Variants in WDR12 observed in about 807,000 individuals in gnomAD.
WDR12 encodes WD repeat domain 12.
A neutral mutation model predicts 64.3 loss-of-function variants in WDR12; 42 were observed. The observed-to-expected ratio is 0.65, with a 90% CI of 0.51 to 0.84. The LOEUF is 0.84. Among genes scored for constraint, WDR12 ranks in the 40% least tolerant of loss-of-function variants. WDR12 has a pLI of 0.00. For synonymous variants in WDR12, 158 were observed against 173.3 expected (o/e 0.91, Z 0.70); for missense variants, 469 against 494.6 (o/e 0.95, Z 0.49).
At chr2:202,890,695 CG>C (rs981848248) in intron 8 of WDR12, among the ~76,000 whole-genome samples, 3 of 150,964 alleles carry the variant, frequency 2.0e-5, no homozygotes, top group Non-Finnish European at 1.5e-5. Flanking sequence ...GGCGTGAACC[CG>C]GGGGGCGGAG....
At chr2:202,903,503 GT>G (rs1688393244) in intron 2 of WDR12, among the ~76,000 whole-genome samples, 15 of 116,112 alleles carry the variant, frequency 1.3e-4, no homozygotes, top group African/African-American at 2.7e-4. Context: ...AAGGAAGGAA[GT>G]GAGGGAGGGA....
Position 202,881,839 on chromosome 2 carries a change from G to C in WDR12, c.1194+872C>G, listed in dbSNP as rs180703140. ...CTAACATTCCAGCCTGGGCAATAAA[G>C]GACCTTGTTTCTTAAAACAACAACA... On this transcript the variant is annotated intron_variant, in intron 12 of 12. Coordinates refer to ENST00000261015, the MANE Select transcript of WDR12 (RefSeq NM_018256.4). Among the ~76,000 whole-genome samples, 769 of 151,974 alleles carry C rather than the reference G, an allele frequency of 5.1e-3. 3 individuals carry two copies. The highest frequency in any genetic ancestry group is 6.8e-3 in the Non-Finnish European group (461 of 67,972).
chr2:202,903,130 A>G (rs1345666265), intron 2 of WDR12, among the ~76,000 whole-genome samples: 1 of 152,152 alleles, frequency 6.6e-6, no homozygotes, highest in Non-Finnish European at 1.5e-5. Context: ...CATCTATTCT[A>G]TTAGTCCTGT....
At chr2:202,901,583 C>G (rs985194659) in intron 2 of WDR12, among the ~76,000 whole-genome samples, 1 of 152,138 alleles carries the variant, frequency 6.6e-6, no homozygotes, top group Non-Finnish European at 1.5e-5. Flanking sequence ...ATCAAATAGT[C>G]AATGTTCTTT....
At chr2:202,898,887 G>A (rs913326362) in intron 4 of WDR12, among the ~76,000 whole-genome samples, 1 of 150,278 alleles carries the variant, frequency 6.7e-6, no homozygotes, top group African/African-American at 2.5e-5. Context: ...TGAGGCAGGA[G>A]GACTGCTTGA....
Position 202,879,505 on chromosome 2 carries a change from C to T in WDR12, c.*1355G>A, listed in dbSNP as rs1687914295. 1 of 152,272 alleles carries T rather than the reference C, an allele frequency of 6.6e-6. No individual in the cohort carries two copies. Among genetic ancestry groups the T allele is most frequent in the East Asian group, 1.9e-4 (1 of 5,206 alleles). 9.4% of individuals were successfully genotyped at this position (152,272 alleles called of 1,614,324 possible). On this transcript the variant is annotated 3_prime_UTR_variant, in exon 13 of 13. Coordinates refer to ENST00000261015, the MANE Select transcript of WDR12 (RefSeq NM_018256.4). ...GTATGATCTCAGCTCACTGCAACCT[C>T]CACCTCCTGGGTTCAACCAATTCTC...
At chr2:202,890,948 T>C (rs1369763016) in intron 8 of WDR12, among the ~76,000 whole-genome samples, 2 of 145,280 alleles carry the variant, frequency 1.4e-5, no homozygotes, top group Non-Finnish European at 3.0e-5. Context: ...GAGCTATGAT[T>C]GTGCCACTGC....
intron 4 of WDR12, 27 bp from the exon 5 acceptor site, chr2:202,897,442 C>T: frequency 7.3e-7 from 1 of 1,374,172 alleles, no homozygotes; most frequent in Non-Finnish European, 9.9e-7. Context: ...TCTTATGAAA[C>T]ACAAAAAGCA....
In WDR12 at chr2:202,897,902, A is replaced by ATATATAT. The variant is rs1258653444; in HGVS notation, c.339-488_339-487insATATATA. ...AGACTCCGTTTCAAAAAAAAAAAAA[A>ATATATAT]AAAAAAATATATATATATATATAAA... On this transcript the variant is annotated intron_variant, in intron 4 of 12. Coordinates refer to ENST00000261015, the MANE Select transcript of WDR12 (RefSeq NM_018256.4). Among the ~76,000 whole-genome samples, 11 of 40,412 alleles carry ATATATAT rather than the reference A, an allele frequency of 2.7e-4. No individual in the cohort carries two copies. In the South Asian group the frequency reaches 5.3e-3, roughly 20 times the overall value. The allele number at this position is 40,412 out of a possible 152,430, so 26.5% of individuals were successfully genotyped here.
intron 1 of WDR12, among the ~76,000 whole-genome samples, chr2:202,909,026 A>C (rs142643240): frequency 6.6e-6 from 1 of 152,250 alleles, no homozygotes; most frequent in Non-Finnish European, 1.5e-5. Flanking sequence ...ATAAGTAAAA[A>C]GACAGCTAAT....
rs760917750 is a variant in WDR12 at position 202,899,674 on chromosome 2, C to G, written c.232-37G>C. The G allele has an allele frequency of 2.1e-5, 33 of 1,574,738 alleles. No homozygotes were observed. The South Asian group carries it at 3.7e-4, about 18-fold the overall frequency. On this transcript the variant is annotated intron_variant, in intron 3 of 12. Transcript: ENST00000261015. ...AGAAACCAGCAACAAGTCAGGTGGT[C>G]TAGTTTTAAAATATTACATTATGAA...
intron 1 of WDR12, among the ~76,000 whole-genome samples, chr2:202,910,145 C>G (rs960805782): frequency 2.0e-5 from 3 of 152,050 alleles, no homozygotes; most frequent in African/African-American, 7.2e-5. Context: ...CCTAAATTCA[C>G]ACACACACAT....
At chr2:202,908,376 G>A (rs1303613258) in intron 1 of WDR12, among the ~76,000 whole-genome samples, 1 of 152,182 alleles carries the variant, frequency 6.6e-6, no homozygotes, top group Admixed American at 6.5e-5. Context: ...GACTGCCTGA[G>A]CCCAGGAGGT....
intron 3 of WDR12, among the ~76,000 whole-genome samples, chr2:202,900,331 A>G (rs1019458836): frequency 7.0e-6 from 1 of 143,368 alleles, no homozygotes; most frequent in Admixed American, 7.0e-5. Context: ...TCTGTCTCAG[A>G]AAAAAAAAAA....
intron 1 of WDR12, among the ~76,000 whole-genome samples, chr2:202,909,212 T>C (rs1688519241): frequency 6.6e-6 from 1 of 152,152 alleles, no homozygotes; most frequent in Non-Finnish European, 1.5e-5. Flanking sequence ...AACGAAAACA[T>C]ACATCCACAC....
chr2:202,898,442 G>A (rs1269316904), intron 4 of WDR12, among the ~76,000 whole-genome samples: 5 of 152,130 alleles, frequency 3.3e-5, no homozygotes, highest in East Asian at 1.9e-4. Context: ...TGAGCCACGC[G>A]CCTGGCTGTC....
rs913821612 is a variant in WDR12 at position 202,884,272 on chromosome 2, T to C, written c.914A>G (p.Tyr305Cys). Reference sequence around the variant, plus strand: ...TGCTAAACGTTTACAAAGTGGAGAATAGGAAATACAATTAAACACTTTATT... The same window carrying C: ...TGCTAAACGTTTACAAAGTGGAGAACAGGAAATACAATTAAACACTTTATT... Reference protein sequence around the residue: ...TGNKVFNCISYSPLCKRLASG... With the variant: ...TGNKVFNCISCSPLCKRLASG... Residue 305 changes from tyrosine (Y) to cysteine (C), a missense_variant, in exon 10 of 13, where the codon TAT becomes TGT. By Grantham distance (194) the Tyr-to-Cys change is radical (BLOSUM62 -2). Coordinates refer to ENST00000261015, the MANE Select transcript of WDR12 (RefSeq NM_018256.4). 23 of 1,613,922 alleles carry C rather than the reference T, an allele frequency of 1.4e-5. No homozygotes were observed. The highest frequency in any genetic ancestry group is 4.4e-5 in the South Asian group (4 of 91,074).
chr2:202,884,351 T>C, intron 9 of WDR12, 44 bp downstream of exon 9: 1 of 1,613,402 alleles, frequency 6.2e-7, no homozygotes, highest in South Asian at 1.1e-5. Context: ...CTAAAAACCA[T>C]CTCTAGAAGT....
At chr2:202,897,575 G>A (rs905229731) in intron 4 of WDR12, among the ~76,000 whole-genome samples, 160 bp from the exon 5 acceptor site, 3 of 145,710 alleles carry the variant, frequency 2.1e-5, no homozygotes, top group Admixed American at 7.1e-5. Flanking sequence ...ATCACTTGAC[G>A]TTTCTCAACC....
Sources: allele counts gnomAD v4.1 joint callset (sites outside exome capture counted in the v4.1 genomes callset), GRCh38; gene constraint gnomAD v4.1.1; transcripts MANE v1.5; gene names NCBI Gene and HGNC (gene_info 2026-07-23, HGNC 2026-07-21).